Variants in STAC observed in about 807,000 individuals in gnomAD.
STAC encodes SH3 and cysteine-rich domain-containing protein.
STAC carries 43 observed loss-of-function variants against 48.8 expected under a neutral mutation model. The ratio of observed to expected loss-of-function variants is 0.88; its 90% CI spans 0.69 to 1.14. The LOEUF (loss-of-function observed/expected upper bound fraction) is 1.14, where lower values mean the gene tolerates loss of function less well. Among genes scored for constraint, STAC ranks in the 50% most tolerant of loss-of-function variants. The probability of loss-of-function intolerance (pLI) is 0.00; values close to 1 mark genes in which losing one functional copy is unlikely to be tolerated. For missense variants in STAC, 497 were observed against 504.0 expected, an observed-to-expected ratio of 0.99 and a Z score of 0.13; for synonymous variants, 193 against 179.5, an observed-to-expected ratio of 1.07 and a Z score of -0.60.
chr3:36,399,631 C>G (rs1485453767), intron 1 of STAC, among the ~76,000 whole-genome samples: 1 of 152,172 alleles, frequency 6.6e-6, no homozygotes, highest in African/African-American at 2.4e-5. Context: ...CTGCCCTGCT[C>G]TCCTAAGACA....
intron 1 of STAC, among the ~76,000 whole-genome samples, chr3:36,383,721 C>T (rs1162408583): frequency 6.6e-6 from 1 of 152,208 alleles, no homozygotes; most frequent in East Asian, 1.9e-4. Context: ...TGTCCATGTA[C>T]ATGCATATAT....
chr3:36,480,552 G>A (rs1035798542), intron 2 of STAC, among the ~76,000 whole-genome samples: 2 of 152,092 alleles, frequency 1.3e-5, no homozygotes, highest in African/African-American at 2.4e-5. Flanking sequence ...TAGCCCCAAC[G>A]TCATCTTCAT....
chr3:36,487,120 G>A (rs1697835014), intron 5 of STAC, among the ~76,000 whole-genome samples: 1 of 152,222 alleles, frequency 6.6e-6, no homozygotes, highest in Non-Finnish European at 1.5e-5. Context: ...GAGGGGCAGG[G>A]CACATGCCTG....
Position 36,547,212 on chromosome 3 carries a change from G to T in STAC, c.*923G>T, listed in dbSNP as rs1406295078. ...ATTGGAGGCAGCACTTTTCCCTCAT[G>T]CTGTCCTATAGGACTCCACTTTGAA... On this transcript the variant is annotated 3_prime_UTR_variant, in exon 11 of 11. Transcript: ENST00000273183. 6.6e-6 allele frequency: 1 copy of T among 152,288 alleles called. No homozygotes were observed. Among genetic ancestry groups the T allele is most frequent in the African/African-American group, 2.4e-5 (1 of 41,454 alleles). The allele number at this position is 152,288 out of a possible 1,614,324, so 9.4% of individuals were successfully genotyped here.
At chr3:36,417,942 G>C (rs1700357471) in intron 1 of STAC, among the ~76,000 whole-genome samples, 1 of 152,092 alleles carries the variant, frequency 6.6e-6, no homozygotes, top group Non-Finnish European at 1.5e-5. Context: ...TTTTCCTAGA[G>C]AGGTTATTTT....
chr3:36,399,483 T>C (rs190188288), intron 1 of STAC, among the ~76,000 whole-genome samples: 10 of 152,320 alleles, frequency 6.6e-5, no homozygotes, highest in Admixed American at 2.6e-4. Context: ...CTGAGTAACA[T>C]AGCAGAAAGT....
In STAC at chr3:36,493,961, T is replaced by C. The variant is rs1031477639; in HGVS notation, c.766+732T>C. On this transcript the variant is annotated intron_variant, in intron 6 of 10. Transcript: ENST00000273183. The stretch of plus-strand genomic sequence containing the variant: ...GTCAGGAGATCGAGACCATCCTGGC[T>C]AACACGGTGAAACCCCGTCTCTACT... 6.6e-5 allele frequency among the ~76,000 whole-genome samples: 10 copies of C among 151,368 alleles called. No homozygotes were observed. In the East Asian group the frequency reaches 2.0e-3, roughly 30 times the overall value.
intron 2 of STAC, among the ~76,000 whole-genome samples, chr3:36,444,317 A>G (rs1006734537): frequency 6.6e-6 from 1 of 152,184 alleles, no homozygotes; most frequent in African/African-American, 2.4e-5. Flanking sequence ...CCTAAAAGCC[A>G]CCCTAAAAAG....
intron 1 of STAC, among the ~76,000 whole-genome samples, chr3:36,400,270 C>A (rs1048758866): frequency 6.6e-6 from 1 of 152,164 alleles, no homozygotes; most frequent in Admixed American, 6.5e-5. Flanking sequence ...TATAAATAGA[C>A]ACACAGCACT....
intron 8 of STAC, among the ~76,000 whole-genome samples, chr3:36,507,560 G>C (rs566293537): frequency 6.6e-6 from 1 of 152,182 alleles, no homozygotes; most frequent in East Asian, 1.9e-4. Flanking sequence ...GCTTTTTTTG[G>C]TTGATAGCCC....
At chr3:36,480,665 C>G (rs962927970) in intron 2 of STAC, among the ~76,000 whole-genome samples, 3 of 152,242 alleles carry the variant, frequency 2.0e-5, no homozygotes, top group African/African-American at 7.2e-5. Context: ...TCTTCTACCA[C>G]TTGGACCCTT....
intron 8 of STAC, among the ~76,000 whole-genome samples, chr3:36,521,328 T>C (rs1490717092): frequency 6.6e-6 from 1 of 152,146 alleles, no homozygotes; most frequent in Non-Finnish European, 1.5e-5. Context: ...GAGTTAGTTA[T>C]AGATTCAAAC....
chr3:36,406,124 G>A (rs1008571511), intron 1 of STAC, among the ~76,000 whole-genome samples: 1 of 152,120 alleles, frequency 6.6e-6, no homozygotes, highest in African/African-American at 2.4e-5. Context: ...ACTTTGATCA[G>A]GAAACCTTTC....
intron 6 of STAC, among the ~76,000 whole-genome samples, chr3:36,499,526 C>T (rs1698231873): frequency 1.3e-5 from 2 of 151,430 alleles, no homozygotes; most frequent in South Asian, 2.1e-4. Flanking sequence ...TCAATCAATT[C>T]AAAAGAAAGA....
At chr3:36,475,780 C>A (rs962004134) in intron 2 of STAC, among the ~76,000 whole-genome samples, 11 of 152,280 alleles carry the variant, frequency 7.2e-5, no homozygotes, top group African/African-American at 2.4e-4. Context: ...TCAACATCTA[C>A]TTTGAGGAGA....
intron 1 of STAC, among the ~76,000 whole-genome samples, chr3:36,399,199 G>C (rs1323490962): frequency 6.6e-6 from 1 of 152,222 alleles, no homozygotes; most frequent in Non-Finnish European, 1.5e-5. Context: ...AAGGAAGAGA[G>C]ATCTGCCTGC....
Position 36,528,979 on chromosome 3 carries a change from G to C in STAC, c.1104G>C (p.Glu368Asp). 6.2e-7 allele frequency: 1 copy of C among 1,602,968 alleles called. No individual in the cohort carries two copies. The change falls in exon 10 of 11, where the codon GAG becomes GAC. Residue 368 changes from glutamate (E) to aspartate (D), a missense_variant. Glu to Asp is a conservative substitution (Grantham distance 45). Coordinates refer to ENST00000273183, the MANE Select transcript of STAC (RefSeq NM_003149.3). ...AACAGGGGCAGATAACACTGAAAGAGAATCAGGTGAGTAAACCACACAAAC... is the reference window on the plus strand; with the variant it reads ...AACAGGGGCAGATAACACTGAAAGACAATCAGGTGAGTAAACCACACAAAC... ...CKEQGQITLKENQICVSSEEE... is the reference protein window; with the variant it reads ...CKEQGQITLKDNQICVSSEEE...
intron 1 of STAC, among the ~76,000 whole-genome samples, chr3:36,431,925 T>C (rs921510840): frequency 1.3e-5 from 2 of 152,234 alleles, no homozygotes; most frequent in African/African-American, 4.8e-5. Context: ...TATTTTTAAA[T>C]TGAGATTGGT....
intron 10 of STAC, 122 bp from the exon 11 acceptor site, chr3:36,546,069 T>G (rs1699436893): frequency 4.0e-6 from 3 of 741,734 alleles, no homozygotes; most frequent in South Asian, 3.4e-5. Context: ...ACCCTAAAAC[T>G]GCTCTCCCTT....
Sources: allele counts gnomAD v4.1 joint callset (sites outside exome capture counted in the v4.1 genomes callset), GRCh38; gene constraint gnomAD v4.1.1; transcripts MANE v1.5; gene names NCBI Gene and HGNC (gene_info 2026-07-23, HGNC 2026-07-21).